The following AIG1 variants were observed in gnomAD, a reference collection of about 807,000 sequenced individuals.
The protein encoded by AIG1 is androgen-induced gene 1 protein.
Under a neutral mutation model 31.4 loss-of-function variants are expected in AIG1, and 23 were observed. The observed-to-expected ratio is 0.73, with a 90% CI of 0.53 to 1.04. AIG1 has a LOEUF of 1.04. AIG1 is among the 50% of genes least tolerant of loss of function. The pLI, the probability that AIG1 is intolerant of heterozygous loss-of-function variation, is 0.00. For missense variants in AIG1, 274 were observed against 295.0 expected (o/e 0.93, Z 0.52); for synonymous variants, 100 against 110.5 (o/e 0.90, Z 0.60).
chr6:143,138,892 CAA>C lies in AIG1; in HGVS notation c.297+1920_297+1921del, dbSNP rs36106013. ...TGGGCAACAGAGCAAGACTCTGTCT[CAA>C]AAAAAAAAAAAAAAAAAGTAAACAT... On this transcript the variant is annotated intron_variant, in intron 2 of 5. Transcript: ENST00000357847. Among the ~76,000 whole-genome samples, 143 of 72,848 alleles carry C rather than the reference CAA, an allele frequency of 2.0e-3. 2 individuals carry two copies. The highest frequency in any genetic ancestry group is 0.012 in the South Asian group (27 of 2,330). 47.8% of individuals were successfully genotyped at this position (72,848 alleles called of 152,430 possible).
chr6:143,251,322 G>GA, intron 3 of AIG1, among the ~76,000 whole-genome samples: 1 of 152,154 alleles, frequency 6.6e-6, no homozygotes, highest in East Asian at 1.9e-4. Flanking sequence ...AAAGTGCTGG[G>GA]ATTACAGGAG....
At chr6:143,241,292 G>A (rs998430992) in intron 3 of AIG1, among the ~76,000 whole-genome samples, 4 of 152,144 alleles carry the variant, frequency 2.6e-5, no homozygotes, top group African/African-American at 9.7e-5. Flanking sequence ...ACCCCTATGT[G>A]AAAACCCTGA....
Position 143,231,957 on chromosome 6 carries a change from G to A in AIG1, c.400-52153G>A, listed in dbSNP as rs993483130. Among the ~76,000 whole-genome samples, 5 of 152,138 alleles carry A rather than the reference G, an allele frequency of 3.3e-5. 1 individual carries two copies. The South Asian group carries it at 6.2e-4, about 19-fold the overall frequency. On this transcript the variant is annotated intron_variant, in intron 3 of 5. Transcript: ENST00000357847. ...GGTGGAGACTGGTGGAAGATGAAAGGGAAATGTAGTCAGATATCAGAGCAT... is the reference window on the plus strand; with the variant it reads ...GGTGGAGACTGGTGGAAGATGAAAGAGAAATGTAGTCAGATATCAGAGCAT...
At chr6:143,079,648 A>G (rs1778031316) in intron 1 of AIG1, among the ~76,000 whole-genome samples, 1 of 152,174 alleles carries the variant, frequency 6.6e-6, no homozygotes, top group South Asian at 2.1e-4. Flanking sequence ...TTTCCGTGCC[A>G]TTATACATTC....
chr6:143,167,627 G>A (rs1016396067), intron 3 of AIG1, among the ~76,000 whole-genome samples: 1 of 152,208 alleles, frequency 6.6e-6, no homozygotes, highest in African/African-American at 2.4e-5. Context: ...CCAGCCATTA[G>A]AACTTTGACT....
At chr6:143,300,186 A>G (rs1798728790) in intron 4 of AIG1, among the ~76,000 whole-genome samples, 2 of 152,334 alleles carry the variant, frequency 1.3e-5, no homozygotes, top group Admixed American at 6.5e-5. Flanking sequence ...CTGGGGACCA[A>G]TGAGCATGTC....
intron 1 of AIG1, among the ~76,000 whole-genome samples, chr6:143,113,043 C>T (rs1781423005): frequency 6.6e-6 from 1 of 152,018 alleles, no homozygotes; most frequent in African/African-American, 2.4e-5. Context: ...ATGTTGCTGA[C>T]TGGGCATGGT....
At chr6:143,220,476 A>T (rs2128622949) in intron 3 of AIG1, among the ~76,000 whole-genome samples, 1 of 152,302 alleles carries the variant, frequency 6.6e-6, no homozygotes, top group South Asian at 2.1e-4. Flanking sequence ...CGTTGATATT[A>T]TAATCTCTAT....
At chr6:143,319,522 T>C (rs1469048964) in intron 4 of AIG1, among the ~76,000 whole-genome samples, 1 of 152,136 alleles carries the variant, frequency 6.6e-6, no homozygotes, top group Non-Finnish European at 1.5e-5. Context: ...TTGGGTACAA[T>C]GTACACAGCT....
chr6:143,097,839 C>G (rs1562372615), intron 1 of AIG1, among the ~76,000 whole-genome samples: 2 of 152,310 alleles, frequency 1.3e-5, no homozygotes, highest in East Asian at 3.9e-4. Context: ...AAACCACCTC[C>G]ACTTGAAACT....
At chr6:143,335,017 A>T in intron 5 of AIG1, 1 of 1,261,178 alleles carries the variant, frequency 7.9e-7, no homozygotes, top group African/African-American at 1.5e-5. Flanking sequence ...AAGTAACATA[A>T]GATTGACTAA....
intron 3 of AIG1, among the ~76,000 whole-genome samples, chr6:143,179,531 T>C (rs1788524756): frequency 6.6e-6 from 1 of 152,200 alleles, no homozygotes; most frequent in African/African-American, 2.4e-5. Flanking sequence ...AAAACAGGCA[T>C]AAGAAAGCTT....
intron 1 of AIG1, among the ~76,000 whole-genome samples, chr6:143,110,020 G>C (rs1165218172): frequency 1.3e-5 from 2 of 152,146 alleles, no homozygotes; most frequent in Non-Finnish European, 2.9e-5. Flanking sequence ...TCGCATTTCT[G>C]GTCTGTCTGG....
intron 1 of AIG1, among the ~76,000 whole-genome samples, chr6:143,074,345 G>C (rs764936685): frequency 1.3e-5 from 2 of 152,258 alleles, no homozygotes; most frequent in Non-Finnish European, 2.9e-5. Context: ...AACTATTCCC[G>C]TGTATTCTCT....
At chr6:143,339,458 G>A (rs1049670403) in intron 5 of AIG1, 181 bp from the exon 6 acceptor site, 2 of 534,594 alleles carry the variant, frequency 3.7e-6, no homozygotes, top group African/African-American at 4.0e-5. Flanking sequence ...GGATGTTTCT[G>A]GAGAAAGTTG....
At chr6:143,146,143 C>T (rs1784683684) in intron 2 of AIG1, among the ~76,000 whole-genome samples, 1 of 152,068 alleles carries the variant, frequency 6.6e-6, no homozygotes, top group South Asian at 2.1e-4. Flanking sequence ...ACACCCTTCC[C>T]CCTAGAAATT....
intron 2 of AIG1, among the ~76,000 whole-genome samples, chr6:143,143,863 G>T (rs1373552683): frequency 6.6e-6 from 1 of 152,066 alleles, no homozygotes; most frequent in East Asian, 1.9e-4. Flanking sequence ...TAAGGAAAAT[G>T]AGCCATGTTT....
In AIG1 at chr6:143,258,458, C is replaced by T. The variant is rs1255877044; in HGVS notation, c.400-25652C>T. 6.6e-6 allele frequency among the ~76,000 whole-genome samples: 1 copy of T among 152,212 alleles called. No homozygotes were observed. The highest frequency in any genetic ancestry group is 1.5e-5 in the Non-Finnish European group (1 of 68,036). On this transcript the variant is annotated intron_variant, in intron 3 of 5. Transcript: ENST00000357847. The surrounding 1 kb of genome is among the most constrained non-coding windows in gnomAD (Gnocchi z 4.7). ...CTGCTAACACTAAAGAGAGCAATATCTTCCATTCTTACCCATATCCTTTTG... is the reference window on the plus strand; with the variant it reads ...CTGCTAACACTAAAGAGAGCAATATTTTCCATTCTTACCCATATCCTTTTG...
intron 1 of AIG1, among the ~76,000 whole-genome samples, chr6:143,066,422 G>C (rs1776719302): frequency 6.6e-6 from 1 of 151,910 alleles, no homozygotes; most frequent in African/African-American, 2.4e-5. Context: ...ACAGGCACCT[G>C]CCACCACACC....
Sources: gnomAD v4.1 joint callset for allele counts (sites outside exome capture counted in the v4.1 genomes callset) on GRCh38, gnomAD v4.1.1 for gene constraint, Gnocchi (gnomAD v3.1) non-coding constraint, MANE v1.5 for transcripts, NCBI Gene and HGNC (gene_info 2026-07-23, HGNC 2026-07-21) for gene names.